PPP1R17: variants seen among roughly 807,000 people sequenced by gnomAD.
PPP1R17 encodes the protein G-substrate.
PPP1R17 carries 12 observed loss-of-function variants against 15.9 expected under a neutral mutation model. That is an observed-to-expected ratio of 0.75 (90% CI 0.48 to 1.22). PPP1R17 has a LOEUF of 1.22. PPP1R17 is among the 50% of genes most tolerant of loss of function. PPP1R17 has a pLI of 0.00. For synonymous variants in PPP1R17, 63 were observed against 64.5 expected (o/e 0.98, Z 0.11); for missense variants, 211 against 187.3 (o/e 1.13, Z -0.74).
chr7:31,704,746 C>T (rs192096031), intron 4 of PPP1R17, among the ~76,000 whole-genome samples: 232 of 152,282 alleles, frequency 1.5e-3, no homozygotes, highest in African/African-American at 5.2e-3. Flanking sequence ...TAAACTGAGG[C>T]TCAGGTAGGT....
At position 31,687,813 on chromosome 7, in the gene PPP1R17, G is replaced by A. The variant is rs552848163; in HGVS notation, c.-37+507G>A. Among the ~76,000 whole-genome samples the A allele has an allele frequency of 1.9e-3, 290 of 152,246 alleles. 1 individual carries two copies. Among genetic ancestry groups the A allele is most frequent in the African/African-American group, 6.3e-3 (263 of 41,524 alleles). On this transcript the variant is annotated intron_variant, in intron 1 of 4. Coordinates refer to ENST00000342032, the MANE Select transcript of PPP1R17 (RefSeq NM_006658.5). ...TTACATAGCCAGAGGGTGCATTAAC[G>A]AGATACCACATAGGCTGTGGATACA...
chr7:31,688,077 A>C (rs1792180521), intron 1 of PPP1R17, among the ~76,000 whole-genome samples: 2 of 152,222 alleles, frequency 1.3e-5, no homozygotes, highest in Admixed American at 6.5e-5. Context: ...TTAGATAGAC[A>C]TATAATCACA....
intron 2 of PPP1R17, 133 bp downstream of exon 2, chr7:31,692,656 A>G: frequency 4.0e-6 from 3 of 750,252 alleles, no homozygotes; most frequent in Non-Finnish European, 6.7e-6. Context: ...GGTGACAGCC[A>G]ACACCAGATG....
chr7:31,691,797 T>TAAAAAAAAAAAAAAAAAA (rs377169335), intron 1 of PPP1R17, among the ~76,000 whole-genome samples: 4 of 86,538 alleles, frequency 4.6e-5, no homozygotes, highest in Non-Finnish European at 6.6e-5. Context: ...ATGTAATGAT[T>TAAAAAAAAAAAAAAAAAA]AAAAAAAAAA....
intron 1 of PPP1R17, among the ~76,000 whole-genome samples, chr7:31,687,619 G>A (rs1183417903): frequency 6.6e-6 from 1 of 152,226 alleles, no homozygotes; most frequent in Non-Finnish European, 1.5e-5. Context: ...AGTACAGAAA[G>A]TATGCTTCTC....
intron 4 of PPP1R17, among the ~76,000 whole-genome samples, chr7:31,700,881 C>T (rs1281575682): frequency 1.3e-5 from 2 of 152,092 alleles, no homozygotes; most frequent in Non-Finnish European, 2.9e-5. Flanking sequence ...TAATTTAAGC[C>T]TACTGTTTAG....
At chr7:31,692,071 T>C (rs936312062) in intron 1 of PPP1R17, among the ~76,000 whole-genome samples, 3 of 152,230 alleles carry the variant, frequency 2.0e-5, no homozygotes, top group Non-Finnish European at 4.4e-5. Context: ...AGCATGATTT[T>C]CTGTGACTCT....
At chr7:31,698,163 C>T (rs186768908) in intron 4 of PPP1R17, among the ~76,000 whole-genome samples, 2 of 152,258 alleles carry the variant, frequency 1.3e-5, no homozygotes, top group East Asian at 3.9e-4. Context: ...TAAAATTTGG[C>T]TGTTGTTATA....
At chr7:31,702,725 C>T (rs1244633015) in intron 4 of PPP1R17, among the ~76,000 whole-genome samples, 2 of 152,158 alleles carry the variant, frequency 1.3e-5, no homozygotes, top group Non-Finnish European at 2.9e-5. Flanking sequence ...GCTGTGACTG[C>T]CTTATGTTTC....
chr7:31,694,069 T>C (rs1440815190), intron 2 of PPP1R17, among the ~76,000 whole-genome samples: 1 of 152,198 alleles, frequency 6.6e-6, no homozygotes, highest in Non-Finnish European at 1.5e-5. Flanking sequence ...TATTTATTAA[T>C]TGCTGCTGAA....
intron 4 of PPP1R17, among the ~76,000 whole-genome samples, chr7:31,705,392 C>G (rs1266903393): frequency 6.6e-6 from 1 of 152,174 alleles, no homozygotes; most frequent in East Asian, 1.9e-4. Flanking sequence ...ATAGCTAACT[C>G]TATGTTCTCC....
chr7:31,697,843 TAGAG>T (rs1792665509), intron 4 of PPP1R17, among the ~76,000 whole-genome samples: 1 of 152,232 alleles, frequency 6.6e-6, no homozygotes, highest in Admixed American at 6.5e-5. Flanking sequence ...ACTAATATAA[TAGAG>T]AGGCTATTAT....
intron 4 of PPP1R17, 36 bp from the exon 5 acceptor site, chr7:31,707,168 A>G (rs901179821): frequency 1.3e-6 from 2 of 1,578,206 alleles, no homozygotes; most frequent in Non-Finnish European, 1.7e-6. Flanking sequence ...TTTTAATTAG[A>G]GGTACTTAAT....
intron 4 of PPP1R17, among the ~76,000 whole-genome samples, chr7:31,702,732 T>C (rs1174045620): frequency 6.6e-6 from 1 of 152,206 alleles, no homozygotes; most frequent in African/African-American, 2.4e-5. Context: ...CTGCCTTATG[T>C]TTCTGGTATT....
chr7:31,688,758 T>C (rs1166414441), intron 1 of PPP1R17, among the ~76,000 whole-genome samples: 1 of 152,206 alleles, frequency 6.6e-6, no homozygotes, highest in Non-Finnish European at 1.5e-5. Flanking sequence ...AAATCTGAAA[T>C]CCTGAAATCC....
At chr7:31,697,204 T>C (rs1433570036) in intron 4 of PPP1R17, 87 bp downstream of exon 4, 5 of 1,506,798 alleles carry the variant, frequency 3.3e-6, no homozygotes, top group African/African-American at 1.4e-5. Flanking sequence ...GGCCTGGCCG[T>C]TGTCCTGCCC....
intron 4 of PPP1R17, among the ~76,000 whole-genome samples, chr7:31,704,206 G>T (rs1055966008): frequency 6.6e-6 from 1 of 152,208 alleles, no homozygotes; most frequent in South Asian, 2.1e-4. Context: ...GATGTCCATT[G>T]AAAGTGACAC....
Position 31,688,868 on chromosome 7 carries a change from T to TCAAG in PPP1R17, c.-37+1562_-37+1563insCAAG, listed in dbSNP as rs1473264454. Among the ~76,000 whole-genome samples, 3 of 152,232 alleles carry TCAAG rather than the reference T, an allele frequency of 2.0e-5. No homozygotes were observed. The East Asian group carries it at 5.8e-4, about 29-fold the overall frequency. On this transcript the variant is annotated intron_variant, in intron 1 of 4. Coordinates refer to ENST00000342032, the MANE Select transcript of PPP1R17 (RefSeq NM_006658.5). ...ACAACCAGAAGAGTAATTCGATCAA[T>TCAAG]ACTCTTTCATTCTCTAATTAAGAAA...
At chr7:31,707,122 C>G (rs1300462817) in intron 4 of PPP1R17, 82 bp from the exon 5 acceptor site, 1 of 1,319,788 alleles carries the variant, frequency 7.6e-7, no homozygotes, top group African/African-American at 1.5e-5. Context: ...TTGCCATGCT[C>G]CTTTGTACTG....
Sources: allele counts gnomAD v4.1 joint callset (sites outside exome capture counted in the v4.1 genomes callset), GRCh38; gene constraint gnomAD v4.1.1; transcripts MANE v1.5; gene names NCBI Gene and HGNC (gene_info 2026-07-23, HGNC 2026-07-21).